KLHL32: variants seen among roughly 807,000 people sequenced by gnomAD.
KLHL32 encodes the protein kelch-like protein 32.
A neutral mutation model predicts 64.8 loss-of-function variants in KLHL32; 35 were observed. The ratio of observed to expected loss-of-function variants is 0.54; its 90% CI spans 0.41 to 0.72. KLHL32 has a LOEUF of 0.72. KLHL32 is among the 30% of genes least tolerant of loss of function. The pLI is 0.00. For synonymous variants in KLHL32, 259 were observed against 281.0 expected (o/e 0.92, Z 0.78); for missense variants, 589 against 768.5 (o/e 0.77, Z 2.76).
chr6:96,972,579 T>C (rs879763375), intron 2 of KLHL32, among the ~76,000 whole-genome samples: 1 of 152,212 alleles, frequency 6.6e-6, no homozygotes, highest in Non-Finnish European at 1.5e-5. Flanking sequence ...ATGGCTTCTG[T>C]GGGAGACCTT....
chr6:97,105,709 A>G (rs923831033), intron 6 of KLHL32, among the ~76,000 whole-genome samples: 3 of 152,120 alleles, frequency 2.0e-5, no homozygotes, highest in African/African-American at 7.2e-5. Flanking sequence ...GCTCTTCATG[A>G]TGAGCTCTGT....
intron 1 of KLHL32, among the ~76,000 whole-genome samples, chr6:96,953,574 GA>G (rs1296274619): frequency 6.6e-6 from 1 of 151,832 alleles, no homozygotes; most frequent in Non-Finnish European, 1.5e-5. Context: ...AGGTTGCAGT[GA>G]GCCGAGATTG....
chr6:97,015,001 G>C (rs1158015549), intron 3 of KLHL32, among the ~76,000 whole-genome samples: 1 of 152,102 alleles, frequency 6.6e-6, no homozygotes, highest in Non-Finnish European at 1.5e-5. Flanking sequence ...TTGTAGTGAG[G>C]GAGTTCTCAG....
intron 1 of KLHL32, among the ~76,000 whole-genome samples, chr6:96,961,072 C>T (rs2128025387): frequency 6.6e-6 from 1 of 152,276 alleles, no homozygotes; most frequent in South Asian, 2.1e-4. Flanking sequence ...AGATTTTCCC[C>T]ACAAGAGTGA....
intron 3 of KLHL32, among the ~76,000 whole-genome samples, chr6:96,987,681 C>T (rs1269057361): frequency 6.6e-6 from 1 of 152,158 alleles, no homozygotes; most frequent in African/African-American, 2.4e-5. Context: ...CTGGAGGCAT[C>T]ACGCTACCTG....
At chr6:96,935,544 T>C (rs1357996762) in intron 1 of KLHL32, among the ~76,000 whole-genome samples, 1 of 152,186 alleles carries the variant, frequency 6.6e-6, no homozygotes. Context: ...ACCGCGTCTA[T>C]CATCAATTGA....
intron 7 of KLHL32, among the ~76,000 whole-genome samples, chr6:97,120,342 G>A (rs1798233490): frequency 6.6e-6 from 1 of 152,162 alleles, no homozygotes; most frequent in Admixed American, 6.5e-5. Flanking sequence ...GTGCCTGTCA[G>A]GACTAAGTAG....
chr6:97,074,610 A>AG (rs1791296867), intron 5 of KLHL32, among the ~76,000 whole-genome samples: 1 of 151,428 alleles, frequency 6.6e-6, no homozygotes, highest in East Asian at 1.9e-4. Context: ...ATTTAAAAAA[A>AG]AAAAACAAAA....
At chr6:97,100,054 A>G (rs1039960508) in intron 6 of KLHL32, among the ~76,000 whole-genome samples, 2 of 152,120 alleles carry the variant, frequency 1.3e-5, no homozygotes, top group African/African-American at 4.8e-5. Context: ...AGGTAGGAGA[A>G]TTGCTTGAAC....
chr6:97,067,585 C>T (rs928484903), intron 5 of KLHL32, among the ~76,000 whole-genome samples: 1 of 152,154 alleles, frequency 6.6e-6, no homozygotes, highest in African/African-American at 2.4e-5. Flanking sequence ...AAGGGAACCA[C>T]ATATATTGAG....
intron 5 of KLHL32, among the ~76,000 whole-genome samples, chr6:97,069,253 A>T (rs1790313595): frequency 6.6e-6 from 1 of 152,100 alleles, no homozygotes; most frequent in Non-Finnish European, 1.5e-5. Flanking sequence ...ACTGATGTTT[A>T]CTCAGCATCC....
At chr6:96,920,187 T>C (rs964542310), upstream of KLHL32, among the ~76,000 whole-genome samples, 1 of 152,208 alleles carries the variant, frequency 6.6e-6, no homozygotes, top group Admixed American at 6.5e-5. Context: ...GAAAGGGACC[T>C]GGTCAAGGAA....
intron 1 of KLHL32, among the ~76,000 whole-genome samples, chr6:96,945,083 T>C (rs190419104): frequency 1.3e-5 from 2 of 152,218 alleles, no homozygotes; most frequent in African/African-American, 4.8e-5. Flanking sequence ...TCTCTTGTTA[T>C]AAACTACTTA....
At chr6:97,099,584 T>C (rs1339164492) in intron 6 of KLHL32, among the ~76,000 whole-genome samples, 2 of 152,192 alleles carry the variant, frequency 1.3e-5, no homozygotes, top group Non-Finnish European at 2.9e-5. Context: ...TCCTCTCTTC[T>C]CTCATGAGTC....
chr6:96,914,599 C>T, the KLHL32 span: 1 of 152,202 alleles, frequency 6.6e-6, no homozygotes, highest in Non-Finnish European at 1.5e-5. Context: ...GGCAAAGCCT[C>T]AACACCGTTC....
intron 10 of KLHL32, among the ~76,000 whole-genome samples, chr6:97,136,771 A>G (rs1800069065): frequency 6.6e-6 from 1 of 152,226 alleles, no homozygotes; most frequent in Non-Finnish European, 1.5e-5. Context: ...AAAACTGCCA[A>G]TGCTTCCTTT....
At chr6:97,001,510 C>T (rs1187075550) in intron 3 of KLHL32, among the ~76,000 whole-genome samples, 1 of 152,126 alleles carries the variant, frequency 6.6e-6, no homozygotes, top group East Asian at 1.9e-4. Context: ...CTTTATCACT[C>T]AGACTGAAGT....
At chr6:97,002,826 C>T (rs1405927569) in intron 3 of KLHL32, among the ~76,000 whole-genome samples, 1 of 151,958 alleles carries the variant, frequency 6.6e-6, no homozygotes, top group Admixed American at 6.6e-5. Flanking sequence ...TATGGTTACA[C>T]AAAAAAGAAT....
intron 4 of KLHL32, among the ~76,000 whole-genome samples, chr6:97,043,361 C>T (rs1039013854): frequency 3.3e-5 from 5 of 152,070 alleles, no homozygotes; most frequent in African/African-American, 9.7e-5. Context: ...ACATAATGTC[C>T]TCAAAGTTCA....
Sources: allele counts gnomAD v4.1 joint callset (sites outside exome capture counted in the v4.1 genomes callset), GRCh38; gene constraint gnomAD v4.1.1; transcripts MANE v1.5; gene names NCBI Gene and HGNC (gene_info 2026-07-23, HGNC 2026-07-21).